POR: variants seen among roughly 807,000 people sequenced by gnomAD.
POR encodes NADPH--cytochrome P450 reductase.
POR carries 56 observed loss-of-function variants against 84.0 expected under a neutral mutation model. The observed-to-expected ratio is 0.67, with a 90% CI of 0.54 to 0.83. The LOEUF is 0.83. Ranked by LOEUF, POR falls within the 40% of genes least tolerant of loss-of-function variation. The pLI, the probability that POR is intolerant of heterozygous loss-of-function variation, is 0.00. For missense variants in POR, 938 were observed against 944.3 expected, an observed-to-expected ratio of 0.99 and a Z score of 0.09; for synonymous variants, 414 against 400.5, an observed-to-expected ratio of 1.03 and a Z score of -0.40.
At chr7:75,949,912 G>A (rs1350954072) in intron 1 of POR, among the ~76,000 whole-genome samples, 1 of 151,434 alleles carries the variant, frequency 6.6e-6, no homozygotes, top group Non-Finnish European at 1.5e-5. Flanking sequence ...AGGCTGGAGT[G>A]CAGTGGCACA....
At chr7:75,925,304 T>G (rs1042697028) in intron 1 of POR, among the ~76,000 whole-genome samples, 4 of 152,028 alleles carry the variant, frequency 2.6e-5, no homozygotes, top group Non-Finnish European at 5.9e-5. Flanking sequence ...GGCCAGGAGT[T>G]TGAGACCAGC....
chr7:75,955,549 G>A (rs562820606), intron 2 of POR, among the ~76,000 whole-genome samples: 2 of 152,360 alleles, frequency 1.3e-5, no homozygotes, highest in African/African-American at 4.8e-5. Context: ...TGCCAGGTCA[G>A]GTCTGAGCCG....
At chr7:75,980,678 C>T (rs1554557645) in intron 5 of POR, 190 bp downstream of exon 5, 2 of 1,534,152 alleles carry the variant, frequency 1.3e-6, no homozygotes, top group East Asian at 4.9e-5. Context: ...TCCCTGTCCC[C>T]AGCCCCAGTC....
Position 75,981,152 on chromosome 7 carries a change from G to C in POR, c.621G>C (p.Gly207=). ...GCGCCCAGCGCATCTTTGAGCTGGG[G>C]TTGGGCGACGACGATGGGAAGTGAG... The change falls in exon 6 of 16, where the codon GGG becomes GGC. Residue 207 remains glycine, a synonymous_variant. Coordinates refer to ENST00000461988, the MANE Select transcript of POR (RefSeq NM_000941.3). 1 of 1,549,702 alleles carries C rather than the reference G, an allele frequency of 6.5e-7. No individual in the cohort carries two copies. Among genetic ancestry groups the C allele is most frequent in the Non-Finnish European group, 8.7e-7 (1 of 1,147,082 alleles).
intron 1 of POR, among the ~76,000 whole-genome samples, chr7:75,950,965 A>G (rs1408713711): frequency 2.7e-5 from 4 of 149,336 alleles, no homozygotes; most frequent in Non-Finnish European, 5.9e-5. Flanking sequence ...AGACTGAGGC[A>G]GGAGAATTGC....
chr7:75,978,851 C>T (rs1401086155), intron 3 of POR, among the ~76,000 whole-genome samples: 1 of 152,106 alleles, frequency 6.6e-6, no homozygotes, highest in Admixed American at 6.6e-5. Flanking sequence ...GGCTGGAGTG[C>T]AGTGGCGTGT....
In POR at chr7:75,964,377, G is replaced by A. The variant is rs565755052; in HGVS notation, c.189-8036G>A. Among the ~76,000 whole-genome samples, 123 of 151,970 alleles carry A rather than the reference G, an allele frequency of 8.1e-4. 2 individuals are homozygous for A. The Middle Eastern group carries it at 0.017, about 21-fold the overall frequency. ...GGCTGAAGTGCAATGGCGCAATCTC[G>A]GCTCACTGCCACCTCCGCCTCCCGG... is the stretch of plus-strand genomic sequence containing the variant. On this transcript the variant is annotated intron_variant, in intron 2 of 15. Coordinates refer to ENST00000461988, the MANE Select transcript of POR (RefSeq NM_000941.3).
intron 1 of POR, among the ~76,000 whole-genome samples, chr7:75,951,192 C>T (rs781851401): frequency 1.1e-4 from 16 of 151,232 alleles, no homozygotes; most frequent in African/African-American, 3.9e-4. Context: ...GTCAGGAGTT[C>T]GAGACCAGCC....
At chr7:75,925,233 C>T (rs780982900) in intron 1 of POR, among the ~76,000 whole-genome samples, 3 of 151,980 alleles carry the variant, frequency 2.0e-5, no homozygotes, top group Non-Finnish European at 4.4e-5. Context: ...TTCAGCTGGG[C>T]GCGATGGCTC....
chr7:75,953,742 C>A (rs1787554322), intron 1 of POR, among the ~76,000 whole-genome samples: 1 of 152,174 alleles, frequency 6.6e-6, no homozygotes, highest in African/African-American at 2.4e-5. Flanking sequence ...GCTGCCTTAG[C>A]TTGCACCCCA....
intron 8 of POR, among the ~76,000 whole-genome samples, chr7:75,982,560 C>T (rs41299520): frequency 3.7e-3 from 558 of 152,372 alleles, no homozygotes; most frequent in Non-Finnish European, 5.7e-3. Context: ...CAGCGGGGCA[C>T]ATCCCACTTC....
intron 1 of POR, among the ~76,000 whole-genome samples, chr7:75,925,457 C>T (rs1807067120): frequency 6.6e-6 from 1 of 152,162 alleles, no homozygotes; most frequent in Non-Finnish European, 1.5e-5. Context: ...CCTGAGAGTT[C>T]AAGGCTGTAG....
chr7:75,931,533 A>AT (rs1807419999), intron 1 of POR, among the ~76,000 whole-genome samples: 1 of 151,226 alleles, frequency 6.6e-6, no homozygotes, highest in South Asian at 2.1e-4. Context: ...CACCCGACTA[A>AT]TTTTTTTGTA....
intron 2 of POR, among the ~76,000 whole-genome samples, chr7:75,962,488 A>G (rs1787981938): frequency 6.6e-6 from 1 of 152,144 alleles, no homozygotes; most frequent in African/African-American, 2.4e-5. Context: ...TAGTAGAGAC[A>G]AAGTCTCACT....
In POR at chr7:75,981,400, C is replaced by CTT; in HGVS notation, c.642-117_642-116insTT. The CTT allele has an allele frequency of 2.4e-6, 3 of 1,229,320 alleles. No individual in the cohort carries two copies. The East Asian group carries it at 7.7e-5, about 31-fold the overall frequency. 76.2% of individuals were successfully genotyped at this position (1,229,320 alleles called of 1,614,324 possible). A position where few individuals can be genotyped will look rare whatever the true frequency, so the allele number is the denominator to read the frequency against. ...TCTGGGTTTATGTCGCTGGGTGCCC[C>CTT]AGGGTGCACAGTCCTGAGCTTTGGG... On this transcript the variant is annotated intron_variant, in intron 6 of 15. Coordinates refer to ENST00000461988, the MANE Select transcript of POR (RefSeq NM_000941.3).
In POR at chr7:75,936,557, G is replaced by A. The variant is rs1448476679; in HGVS notation, c.-4-17432G>A. ...CTTTTGGGGAAGCCATGTTGACTTC[G>A]GCCCATCCTATTCTCATTTCGGTAA... On this transcript the variant is annotated intron_variant, in intron 1 of 15. Coordinates refer to ENST00000461988, the MANE Select transcript of POR (RefSeq NM_000941.3). 5.9e-5 allele frequency among the ~76,000 whole-genome samples: 9 copies of A among 151,974 alleles called. No homozygotes were observed. In the South Asian group the frequency reaches 1.9e-3, roughly 32 times the overall value.
At chr7:75,979,760 C>A in intron 4 of POR, 181 bp downstream of exon 4, 1 of 813,400 alleles carries the variant, frequency 1.2e-6, no homozygotes, top group African/African-American at 1.7e-5. Context: ...GACGGAAGGG[C>A]CATTCCTGCA....
chr7:75,956,981 C>T (rs117718738), intron 2 of POR, among the ~76,000 whole-genome samples: 18 of 152,356 alleles, frequency 1.2e-4, no homozygotes, highest in Non-Finnish European at 2.2e-4. Context: ...CTGCCTCTGC[C>T]TCCCATAGTG....
chr7:75,958,092 G>C (rs953638599), intron 2 of POR, among the ~76,000 whole-genome samples: 2 of 152,214 alleles, frequency 1.3e-5, no homozygotes, highest in African/African-American at 4.8e-5. Context: ...TGCATAGTAG[G>C]CTCTCAGGTG....
Sources: allele counts gnomAD v4.1 joint callset (sites outside exome capture counted in the v4.1 genomes callset), GRCh38; gene constraint gnomAD v4.1.1; transcripts MANE v1.5; gene names NCBI Gene and HGNC (gene_info 2026-07-23, HGNC 2026-07-21).